SPON2: variants seen among roughly 807,000 people sequenced by gnomAD.
SPON2 encodes spondin 2, also known as spondin-2.
SPON2 carries 32 observed loss-of-function variants against 29.9 expected under a neutral mutation model. The observed-to-expected ratio is 1.07, with a 90% CI of 0.81 to 1.44. The LOEUF is 1.44. Among genes scored for constraint, SPON2 ranks in the 40% most tolerant of loss-of-function variants. The probability of loss-of-function intolerance (pLI) is 0.00; values close to 1 mark genes in which losing one functional copy is unlikely to be tolerated. For synonymous variants in SPON2, 248 were observed against 209.1 expected (o/e 1.19, Z -1.61); for missense variants, 541 against 455.5 (o/e 1.19, Z -1.71).
intron 1 of SPON2, chr4:1,201,118 C>T (rs955010803): frequency 4.0e-5 from 18 of 455,428 alleles, no homozygotes; most frequent in African/African-American, 2.0e-4. Flanking sequence ...TGGCCCTCTG[C>T]GGTCACCCAC....
intron 5 of SPON2, chr4:1,168,063 T>C (rs1727304687): frequency 5.5e-6 from 1 of 183,466 alleles, no homozygotes; most frequent in South Asian, 1.7e-4. Flanking sequence ...GGGCACCTGA[T>C]TAGCTGTCTT....
upstream of SPON2, among the ~76,000 whole-genome samples, chr4:1,174,360 G>A (rs1292400429): frequency 3.3e-5 from 5 of 151,832 alleles, no homozygotes; most frequent in African/African-American, 7.3e-5. Context: ...GGTGGTGCAC[G>A]CCAGTAATCC....
Position 1,167,179 on chromosome 4 carries a change from T to G in SPON2, c.*293A>C. ...AGCAATAACTTATAAGGAGACATAA[T>G]TTAGAGTAGCTGGAGCCTTGGGGAT... On this transcript the variant is annotated 3_prime_UTR_variant, in exon 6 of 6. Coordinates refer to ENST00000290902, the MANE Select transcript of SPON2 (RefSeq NM_012445.4). 2.6e-6 allele frequency: 1 copy of G among 383,274 alleles called. No homozygotes were observed. Among genetic ancestry groups the G allele is most frequent in the Non-Finnish European group, 4.7e-6 (1 of 210,900 alleles). The allele number at this position is 383,274 out of a possible 1,614,324, so 23.7% of individuals were successfully genotyped here. A position where few individuals can be genotyped will look rare whatever the true frequency, so the allele number is the denominator to read the frequency against.
intron 1 of SPON2, among the ~76,000 whole-genome samples, chr4:1,183,141 T>C (rs1727728981): frequency 6.7e-6 from 1 of 149,908 alleles, no homozygotes; most frequent in Non-Finnish European, 1.5e-5. Flanking sequence ...CTCAGGAGGC[T>C]GAGGCAGGAG....
chr4:1,183,058 T>C (rs889121434), intron 1 of SPON2, among the ~76,000 whole-genome samples: 2 of 151,742 alleles, frequency 1.3e-5, no homozygotes, highest in African/African-American at 2.4e-5. Context: ...CTGGCCAACA[T>C]GGTGAAACCC....
intron 2 of SPON2, among the ~76,000 whole-genome samples, chr4:1,178,920 C>T (rs892299399): frequency 2.0e-5 from 3 of 152,184 alleles, no homozygotes; most frequent in Non-Finnish European, 2.9e-5. Context: ...CAGATGGCCA[C>T]GTGCTCCTGT....
intron 1 of SPON2, 90 bp downstream of exon 1, chr4:1,172,454 C>CCT (rs1727490336): frequency 3.1e-6 from 1 of 319,892 alleles, no homozygotes; most frequent in African/African-American, 2.2e-5. Flanking sequence ...CCTGGGGGTC[C>CCT]CTCTGGAGGT....
rs753393610 is a variant in SPON2 at position 1,170,527 on chromosome 4, C to G, written c.686G>C (p.Arg229Pro). Reference protein sequence around the residue: ...SHPANSFYYPRLKALPPIARV... With the variant: ...SHPANSFYYPPLKALPPIARV... Reference sequence around the variant, plus strand: ...GGCGATGGGAGGCAGGGCCTTCAGCCGCGGGTAGTAGAAGGAGTTGGCCGG... The same window carrying G: ...GGCGATGGGAGGCAGGGCCTTCAGCGGCGGGTAGTAGAAGGAGTTGGCCGG... Residue 229 changes from arginine to proline, a missense_variant, in exon 5 of 6, where the codon CGG (arginine) becomes CCG (proline). Coordinates refer to ENST00000290902, the MANE Select transcript of SPON2 (RefSeq NM_012445.4). 6.2e-7 allele frequency: 1 copy of G among 1,613,902 alleles called. No homozygotes were observed.
chr4:1,170,594 G>C lies in SPON2; in HGVS notation c.637-18C>G, dbSNP rs1192685987. On this transcript the variant is annotated intron_variant, in intron 4 of 5. Transcript: ENST00000290902. ...GACGTTATCTGGGGAGGAAGAAGAG[G>C]AGGTTGGCCTGGGGTCCGAGAAGCC... 3.2e-6 allele frequency: 5 copies of C among 1,558,094 alleles called. No homozygotes were observed. In the South Asian group the frequency reaches 5.6e-5, roughly 17 times the overall value.
upstream of SPON2, among the ~76,000 whole-genome samples, chr4:1,198,697 A>T (rs1728127404): frequency 6.6e-6 from 1 of 152,110 alleles, no homozygotes; most frequent in South Asian, 2.1e-4. Flanking sequence ...GGCCAAGCAG[A>T]TGAAGGCCAG....
At chr4:1,190,728 CA>C (rs751687259) in intron 1 of SPON2, among the ~76,000 whole-genome samples, 1 of 151,994 alleles carries the variant, frequency 6.6e-6, no homozygotes, top group Admixed American at 6.6e-5. Flanking sequence ...GAAATCCATG[CA>C]AAAACATTGG....
intron 1 of SPON2, chr4:1,201,437 C>T (rs1728202260): frequency 4.6e-6 from 1 of 219,748 alleles, no homozygotes; most frequent in Admixed American, 5.4e-5. Context: ...GAACAGCCCC[C>T]AAACCACGCA....
upstream of SPON2, among the ~76,000 whole-genome samples, chr4:1,174,822 A>G (rs777989636): frequency 2.0e-5 from 3 of 152,214 alleles, no homozygotes; most frequent in Non-Finnish European, 4.4e-5. Context: ...CCAGCACTTC[A>G]TCTGCTGAGA....
intron 5 of SPON2, 79 bp from the exon 6 acceptor site, chr4:1,167,735 A>C (rs570316420): frequency 1.4e-6 from 2 of 1,462,698 alleles, no homozygotes; most frequent in East Asian, 2.3e-5. Context: ...ACCTCCCACC[A>C]ACGTGTGCAT....
At chr4:1,198,686 T>C (rs750409367), upstream of SPON2, among the ~76,000 whole-genome samples, 80 of 151,976 alleles carry the variant, frequency 5.3e-4, no homozygotes, top group Non-Finnish European at 5.9e-4. Context: ...CATCGTGTTA[T>C]GGCCAAGCAG....
intron 1 of SPON2, among the ~76,000 whole-genome samples, chr4:1,185,165 C>T (rs1274937767): frequency 6.6e-6 from 1 of 151,452 alleles, no homozygotes; most frequent in African/African-American, 2.4e-5. Context: ...CCTCCGTCTC[C>T]TGGGTTCAAG....
chr4:1,201,819 G>A (rs1214915395), intron 1 of SPON2, among the ~76,000 whole-genome samples: 6 of 152,090 alleles, frequency 3.9e-5, no homozygotes, highest in South Asian at 2.1e-4. Flanking sequence ...TCCTGACCTC[G>A]TGATCCAGCC....
rs1177285173 is a variant in SPON2 at position 1,167,332 on chromosome 4, G to C, written c.*140C>G. ...GGCCACCAGAGGGCCCTTCAGTGCAGAGATGGTCGGCGCGGCCTCACCGCG... is the reference window on the plus strand; with the variant it reads ...GGCCACCAGAGGGCCCTTCAGTGCACAGATGGTCGGCGCGGCCTCACCGCG... On this transcript the variant is annotated 3_prime_UTR_variant, in exon 6 of 6. Transcript: ENST00000290902. 1.0e-5 allele frequency: 9 copies of C among 862,164 alleles called. No individual in the cohort carries two copies. Among genetic ancestry groups the C allele is most frequent in the African/African-American group, 3.4e-5 (2 of 59,062 alleles). 53.4% of individuals were successfully genotyped at this position (862,164 alleles called of 1,614,324 possible). A position where few individuals can be genotyped will look rare whatever the true frequency, so the allele number is the denominator to read the frequency against.
chr4:1,205,386 G>T (rs1418682014), intron 1 of SPON2, among the ~76,000 whole-genome samples: 4 of 152,172 alleles, frequency 2.6e-5, no homozygotes, highest in African/African-American at 9.6e-5. Context: ...CTGCACCCAG[G>T]GGCAAACCCT....
Sources: allele counts gnomAD v4.1 joint callset (sites outside exome capture counted in the v4.1 genomes callset), GRCh38; gene constraint gnomAD v4.1.1; transcripts MANE v1.5; gene names NCBI Gene and HGNC (gene_info 2026-07-23, HGNC 2026-07-21).